Variants in ATXN8OS observed in about 807,000 individuals in gnomAD.
ATXN8OS encodes ATXN8 opposite strand lncRNA, also known as ATXN8 opposite strand (non-protein coding).
chr13:70,150,554 G>C (rs1051408217), intron 4 of ATXN8OS, among the ~76,000 whole-genome samples: 1 of 151,906 alleles, frequency 6.6e-6, no homozygotes, highest in African/African-American at 2.4e-5. Context: ...CCAATGTCTG[G>C]GTATATATAC....
intron 1 of ATXN8OS, among the ~76,000 whole-genome samples, chr13:70,112,574 T>G (rs1391716371): frequency 1.3e-5 from 2 of 152,116 alleles, no homozygotes; most frequent in Non-Finnish European, 2.9e-5. Context: ...GTCAATTAAG[T>G]GACTGCTTAA....
intron 2 of ATXN8OS, among the ~76,000 whole-genome samples, chr13:70,118,473 A>T (rs564641840): frequency 2.0e-5 from 3 of 152,194 alleles, no homozygotes; most frequent in Non-Finnish European, 4.4e-5. Flanking sequence ...GTAGAAAAAA[A>T]ATTTATTCAA....
intron 2 of ATXN8OS, among the ~76,000 whole-genome samples, chr13:70,119,493 C>T (rs1362846274): frequency 1.3e-5 from 2 of 152,100 alleles, no homozygotes; most frequent in East Asian, 3.9e-4. Context: ...TAGAGTAAAG[C>T]TGTTATTACA....
intron 4 of ATXN8OS, among the ~76,000 whole-genome samples, chr13:70,160,764 T>C (rs1888997814): frequency 6.0e-5 from 2 of 33,610 alleles, no homozygotes; most frequent in African/African-American, 1.2e-4. Flanking sequence ...TATATTTATA[T>C]AATATGTAAA....
intron 4 of ATXN8OS, among the ~76,000 whole-genome samples, chr13:70,152,323 C>A (rs1187755605): frequency 6.6e-6 from 1 of 150,388 alleles, no homozygotes; most frequent in Non-Finnish European, 1.5e-5. Flanking sequence ...TTTATATCGT[C>A]TATCCCAGCT....
At chr13:70,130,280 T>C (rs1411297895) in intron 3 of ATXN8OS, among the ~76,000 whole-genome samples, 1 of 151,952 alleles carries the variant, frequency 6.6e-6, no homozygotes, top group Non-Finnish European at 1.5e-5. Context: ...GTAGGTCAGA[T>C]GCAGTTAAAA....
intron 4 of ATXN8OS, among the ~76,000 whole-genome samples, chr13:70,151,297 T>C (rs1312810690): frequency 6.6e-6 from 1 of 152,110 alleles, no homozygotes; most frequent in Non-Finnish European, 1.5e-5. Context: ...AATTCTTCAT[T>C]TCTTCTTCCA....
chr13:70,140,143 T>C (rs1057056578), intron 3 of ATXN8OS, among the ~76,000 whole-genome samples: 1 of 152,136 alleles, frequency 6.6e-6, no homozygotes, highest in Admixed American at 6.6e-5. Flanking sequence ...TAGAAACTGA[T>C]GGAGTTAGTA....
At chr13:70,133,386 A>G (rs1888562394) in intron 3 of ATXN8OS, among the ~76,000 whole-genome samples, 1 of 152,184 alleles carries the variant, frequency 6.6e-6, no homozygotes, top group African/African-American at 2.4e-5. Flanking sequence ...TGCCCCTTAA[A>G]CAGTGAAACA....
chr13:70,116,763 G>T (rs1236685253), intron 2 of ATXN8OS, among the ~76,000 whole-genome samples: 2 of 152,086 alleles, frequency 1.3e-5, no homozygotes, highest in Non-Finnish European at 2.9e-5. Flanking sequence ...AAAAACAATG[G>T]ACAGACTATA....
intron 3 of ATXN8OS, among the ~76,000 whole-genome samples, chr13:70,133,810 T>G (rs74093265): frequency 3.3e-5 from 5 of 152,268 alleles, no homozygotes; most frequent in African/African-American, 1.2e-4. Context: ...ATATTCATTC[T>G]GGACTTGTAG....
At chr13:70,150,541 C>A (rs1377782318) in intron 4 of ATXN8OS, among the ~76,000 whole-genome samples, 1 of 152,062 alleles carries the variant, frequency 6.6e-6, no homozygotes, top group East Asian at 1.9e-4. Context: ...GTAGACCCAG[C>A]TCCCAATGTC....
At chr13:70,133,919 T>C (rs1012219859) in intron 3 of ATXN8OS, among the ~76,000 whole-genome samples, 1 of 152,200 alleles carries the variant, frequency 6.6e-6, no homozygotes, top group Admixed American at 6.6e-5. Flanking sequence ...GAGAACAATA[T>C]AGAAAGTCAG....
In ATXN8OS at chr13:70,143,887, A is replaced by G. The variant is rs74093271; in HGVS notation, n.500-3468A>G. Among the ~76,000 whole-genome samples the G allele has an allele frequency of 5.0e-3, 764 of 152,246 alleles. 4 individuals are homozygous for G. The highest frequency in any genetic ancestry group is 0.017 in the African/African-American group (721 of 41,548). ...ATGGAAATTAATAGCTATATTTTAA[A>G]ATGATTTAATGATATATTGAGAAGA... is the stretch of plus-strand genomic sequence containing the variant. On this transcript the variant is annotated intron_variant and non_coding_transcript_variant, in intron 3 of 4. Transcript: ENST00000678624.
chr13:70,112,636 A>G (rs1888212519), intron 1 of ATXN8OS, among the ~76,000 whole-genome samples: 2 of 151,678 alleles, frequency 1.3e-5, no homozygotes, highest in African/African-American at 2.4e-5. Flanking sequence ...AATCCACTCA[A>G]CCTCCTTGGT....
At chr13:70,156,437 G>T (rs1255155672) in intron 4 of ATXN8OS, among the ~76,000 whole-genome samples, 3 of 151,822 alleles carry the variant, frequency 2.0e-5, no homozygotes, top group African/African-American at 7.3e-5. Flanking sequence ...TATTGTATAT[G>T]GTTAAACATT....
chr13:70,165,620 T>C (rs190667011), intron 4 of ATXN8OS, among the ~76,000 whole-genome samples: 3 of 152,002 alleles, frequency 2.0e-5, no homozygotes, highest in East Asian at 3.9e-4. Context: ...TCAGAAATCA[T>C]ACATATGAGG....
At chr13:70,135,191 C>A (rs943460399) in intron 3 of ATXN8OS, among the ~76,000 whole-genome samples, 2 of 152,124 alleles carry the variant, frequency 1.3e-5, no homozygotes, top group African/African-American at 4.8e-5. Context: ...CATTATAAGT[C>A]ATTACTTCAC....
chr13:70,122,939 A>C (rs1011980620), intron 2 of ATXN8OS, among the ~76,000 whole-genome samples: 4 of 152,054 alleles, frequency 2.6e-5, no homozygotes, highest in African/African-American at 9.6e-5. Flanking sequence ...AAATAATTCC[A>C]AATTCTCTTA....
Sources: gnomAD v4.1 joint callset for allele counts (sites outside exome capture counted in the v4.1 genomes callset) on GRCh38, gnomAD v4.1.1 for gene constraint, MANE v1.5 for transcripts, NCBI Gene and HGNC (gene_info 2026-07-23, HGNC 2026-07-21) for gene names.